AKAP19: variants seen among roughly 807,000 people sequenced by gnomAD.
The protein encoded by AKAP19 is A-kinase anchoring protein 19, also known as small A-kinase anchoring protein.
chr2:190,022,010 C>T, the AKAP19 span, among the ~76,000 whole-genome samples: 10 of 152,150 alleles, frequency 6.6e-5, no homozygotes, highest in Non-Finnish European at 1.5e-5. Flanking sequence ...TGGTTAGGGG[C>T]TGAGTGTGCT....
the AKAP19 span, among the ~76,000 whole-genome samples, chr2:189,934,618 A>G: frequency 1.3e-5 from 2 of 151,786 alleles, no homozygotes; most frequent in Non-Finnish European, 2.9e-5. Flanking sequence ...TTAGTTTTAC[A>G]TAATCTTTTA....
the AKAP19 span, among the ~76,000 whole-genome samples, chr2:189,951,247 G>T: frequency 7.6e-6 from 1 of 131,566 alleles, no homozygotes; most frequent in Non-Finnish European, 1.5e-5. Flanking sequence ...CTTCCCCCAG[G>T]CTGGAGTGCA....
At chr2:190,169,049 C>T in the AKAP19 span, among the ~76,000 whole-genome samples, 25 of 152,048 alleles carry the variant, frequency 1.6e-4, no homozygotes, top group Non-Finnish European at 1.0e-4. Context: ...AACACATATG[C>T]GAGATTGGGT....
chr2:189,986,198 G>A, the AKAP19 span, among the ~76,000 whole-genome samples: 18 of 152,104 alleles, frequency 1.2e-4, no homozygotes, highest in Non-Finnish European at 2.1e-4. Flanking sequence ...TTGACTAGGT[G>A]TGGCCATATC....
chr2:189,998,771 C>CTTTTTTTT, the AKAP19 span, among the ~76,000 whole-genome samples: 221 of 97,528 alleles, frequency 2.3e-3, no homozygotes, highest in East Asian at 2.9e-3. Context: ...TTCTTTCTTT[C>CTTTTTTTT]TTTTTTTTTT....
chr2:190,036,538 T>C, the AKAP19 span, among the ~76,000 whole-genome samples: 1 of 152,230 alleles, frequency 6.6e-6, no homozygotes, highest in Non-Finnish European at 1.5e-5. Context: ...AATGGCATTA[T>C]TACATTATCC....
At chr2:189,983,017 C>G in the AKAP19 span, among the ~76,000 whole-genome samples, 1 of 152,066 alleles carries the variant, frequency 6.6e-6, no homozygotes, top group East Asian at 1.9e-4. Context: ...ATAGCTTACC[C>G]TGGGTTAGGC....
chr2:190,069,262 T>C, the AKAP19 span, among the ~76,000 whole-genome samples: 166 of 150,286 alleles, frequency 1.1e-3, 2 homozygotes, highest in African/African-American at 3.9e-3. Flanking sequence ...AATAATAAAT[T>C]TATTTTCATT....
the AKAP19 span, among the ~76,000 whole-genome samples, chr2:190,051,762 G>T: frequency 6.6e-6 from 1 of 151,988 alleles, no homozygotes; most frequent in Non-Finnish European, 1.5e-5. Flanking sequence ...GTATCTACAG[G>T]CAAGGCATAT....
the AKAP19 span, among the ~76,000 whole-genome samples, chr2:189,950,327 CTTTTTTG>C: frequency 0.07 from 7,552 of 108,048 alleles, 659 homozygotes; most frequent in African/African-American, 0.22. Context: ...GGCGCCCAGC[CTTTTTTG>C]TTTTTTTTTT....
At chr2:189,907,406 G>A in the AKAP19 span, among the ~76,000 whole-genome samples, 1 of 152,026 alleles carries the variant, frequency 6.6e-6, no homozygotes, top group African/African-American at 2.4e-5. Flanking sequence ...TGCAGTATTT[G>A]TTGACTCACT....
the AKAP19 span, among the ~76,000 whole-genome samples, chr2:189,995,633 T>G: frequency 6.6e-6 from 1 of 152,160 alleles, no homozygotes; most frequent in Non-Finnish European, 1.5e-5. Context: ...TAATAAGATG[T>G]GAGGTACTGT....
At chr2:189,985,849 A>C in the AKAP19 span, among the ~76,000 whole-genome samples, 1 of 152,228 alleles carries the variant, frequency 6.6e-6, no homozygotes, top group Non-Finnish European at 1.5e-5. Context: ...AAATGAATAT[A>C]ATACAAAAAA....
chr2:189,962,246 A>G, the AKAP19 span, among the ~76,000 whole-genome samples: 1 of 152,326 alleles, frequency 6.6e-6, no homozygotes, highest in South Asian at 2.1e-4. Context: ...ACAGGTTTTT[A>G]GTCTGGGAGG....
the AKAP19 span, among the ~76,000 whole-genome samples, chr2:190,030,467 C>T: frequency 3.9e-5 from 6 of 152,200 alleles, no homozygotes; most frequent in Non-Finnish European, 7.3e-5. Flanking sequence ...TTCTCTTCTT[C>T]CACTACATTG....
At chr2:190,069,175 TGAGAGAGAGA>T in the AKAP19 span, among the ~76,000 whole-genome samples, 8 of 123,540 alleles carry the variant, frequency 6.5e-5, no homozygotes, top group East Asian at 1.9e-3. Flanking sequence ...TGTGTGTGTG[TGAGAGAGAGA>T]GAGAGAGAGA....
chr2:190,149,678 CAGAG>C, the AKAP19 span, among the ~76,000 whole-genome samples: 1 of 152,094 alleles, frequency 6.6e-6, no homozygotes, highest in Non-Finnish European at 1.5e-5. Context: ...ACTGTGGTCT[CAGAG>C]AGTGCTTGAT....
the AKAP19 span, among the ~76,000 whole-genome samples, chr2:189,880,225 T>C: frequency 6.6e-6 from 1 of 152,162 alleles, no homozygotes; most frequent in African/African-American, 2.4e-5. Flanking sequence ...TATGTTCTTA[T>C]GTCTGCAAGC....
chr2:190,191,237 G>C, the AKAP19 span, among the ~76,000 whole-genome samples: 1 of 152,076 alleles, frequency 6.6e-6, no homozygotes, highest in Admixed American at 6.5e-5. Context: ...CTGCCTCCTG[G>C]ATTCAGGTGA....
Sources: gnomAD v4.1 joint callset for allele counts (sites outside exome capture counted in the v4.1 genomes callset) on GRCh38, gnomAD v4.1.1 for gene constraint, MANE v1.5 for transcripts, NCBI Gene and HGNC (gene_info 2026-07-23, HGNC 2026-07-21) for gene names.